ASL: variants seen among roughly 807,000 people sequenced by gnomAD.
ASL encodes the protein argininosuccinate lyase.
In ASL, 51 loss-of-function variants were observed where a neutral mutation model predicts 69.1. The ratio of observed to expected loss-of-function variants is 0.74; its 90% CI spans 0.59 to 0.93. The LOEUF (loss-of-function observed/expected upper bound fraction) is 0.93. Among genes scored for constraint, ASL ranks in the 40% least tolerant of loss-of-function variants. The pLI, the probability that ASL is intolerant of heterozygous loss-of-function variation, is 0.00. For missense variants in ASL, 540 were observed against 623.9 expected, an observed-to-expected ratio of 0.87 and a Z score of 1.43; for synonymous variants, 241 against 247.6, an observed-to-expected ratio of 0.97 and a Z score of 0.25.
intron 2 of ASL, among the ~76,000 whole-genome samples, chr7:66,079,558 C>T (rs780901477): frequency 5.9e-5 from 9 of 152,206 alleles, no homozygotes; most frequent in African/African-American, 1.9e-4. Context: ...AATTCAAGAC[C>T]AGCCTGGGCA....
chr7:66,091,713 TC>T, intron 14 of ASL: 1 of 432,412 alleles, frequency 2.3e-6, no homozygotes, highest in Non-Finnish European at 4.3e-6. Context: ...CAAGACCCTG[TC>T]TCCTAAAACA....
intron 13 of ASL, 129 bp from the exon 14 acceptor site, chr7:66,089,483 C>G: frequency 1.4e-6 from 2 of 1,433,500 alleles, no homozygotes; most frequent in Non-Finnish European, 1.9e-6. Context: ...CTCTGCCCTT[C>G]CTTTGTTGGG....
chr7:66,090,245 ATAAAT>A (rs929717362), intron 14 of ASL, among the ~76,000 whole-genome samples: 7 of 152,210 alleles, frequency 4.6e-5, no homozygotes, highest in Admixed American at 1.3e-4. Context: ...CTACAAATAT[ATAAAT>A]TAAATTAAAT....
chr7:66,092,141 G>A, intron 15 of ASL, 55 bp downstream of exon 15: 1 of 1,590,996 alleles, frequency 6.3e-7, no homozygotes, highest in Non-Finnish European at 8.5e-7. Flanking sequence ...CCCCCCAGAG[G>A]GTGGGGGAGC....
At chr7:66,092,294 TAA>T (rs1183675955) in intron 15 of ASL, among the ~76,000 whole-genome samples, 1 of 151,776 alleles carries the variant, frequency 6.6e-6, no homozygotes, top group African/African-American at 2.4e-5. Context: ...TCTTTTGATG[TAA>T]AAATACAACA....
intron 10 of ASL, among the ~76,000 whole-genome samples, chr7:66,088,481 CAATAAATA>C (rs112746476): frequency 2.0e-5 from 3 of 152,108 alleles, no homozygotes; most frequent in South Asian, 2.1e-4. Context: ...GACTCCATCT[CAATAAATA>C]AATAAATAAA....
rs559683668 is a variant in ASL, at chr7:66,082,842, G to T, written c.292-38G>T. On this transcript the variant is annotated intron_variant, in intron 4 of 16. Coordinates refer to ENST00000304874, the MANE Select transcript of ASL (RefSeq NM_000048.4). The stretch of plus-strand genomic sequence containing the variant: ...CCCTGCCTGGGTTGACTCCTCTGGG[G>T]GTATAGACCGTGACCCTGGGTCTCC... 5.0e-6 allele frequency: 8 copies of T among 1,612,296 alleles called. No homozygotes were observed. The African/African-American group carries it at 9.3e-5, about 19-fold the overall frequency.
In ASL at chr7:66,092,136, C is replaced by T. The variant is rs375899524; in HGVS notation, c.1143+50C>T. 3.8e-6 allele frequency: 6 copies of T among 1,595,810 alleles called. No homozygotes were observed. The South Asian group carries it at 5.5e-5, about 15-fold the overall frequency. On this transcript the variant is annotated intron_variant, in intron 15 of 16. Coordinates refer to ENST00000304874, the MANE Select transcript of ASL (RefSeq NM_000048.4). The stretch of plus-strand genomic sequence containing the variant: ...GGGTGAGGAGATGGGGTGCCCCCCC[C>T]AGAGGGTGGGGGAGCTCAGGAATGG...
intron 11 of ASL, 72 bp from the exon 12 acceptor site, chr7:66,089,019 C>T: frequency 6.2e-7 from 1 of 1,610,678 alleles, no homozygotes; most frequent in Admixed American, 1.7e-5. Flanking sequence ...CACCCCTCCG[C>T]CAGACCTGGC....
In ASL at chr7:66,092,477, A is replaced by G. The variant is rs1489927399; in HGVS notation, c.1144-80A>G. 20 of 1,135,734 alleles carry G rather than the reference A, an allele frequency of 1.8e-5. No individual in the cohort carries two copies. The African/African-American group carries it at 2.2e-4, about 12-fold the overall frequency. 70.4% of individuals were successfully genotyped at this position (1,135,734 alleles called of 1,614,324 possible). On this transcript the variant is annotated intron_variant, in intron 15 of 16. Coordinates refer to ENST00000304874, the MANE Select transcript of ASL (RefSeq NM_000048.4). Reference sequence around the variant, plus strand: ...TGTCAAAAAGAAAAAAAAAAAAAAAAGGAAGGGGGTGCAGGCAATGGAGGC... The same window carrying G: ...TGTCAAAAAGAAAAAAAAAAAAAAAGGGAAGGGGGTGCAGGCAATGGAGGC...
At position 66,089,659 on chromosome 7, in the gene ASL, G is replaced by C. The variant is rs768461888; in HGVS notation, c.1026G>C (p.Val342=). The C allele has an allele frequency of 1.1e-5, 17 of 1,613,912 alleles. No individual in the cohort carries two copies. Among genetic ancestry groups the C allele is most frequent in the Non-Finnish European group, 1.4e-5 (17 of 1,180,028 alleles). ...AAGTGTCAGACACTATGAGTGCCGT[G>C]CTCCAGGTGGCCACTGGCGTCATCT... ...VFEVSDTMSA[V]LQVATGVIST... The change falls in exon 14 of 17, where the codon GTG becomes GTC. Residue 342 remains valine (V), a synonymous_variant. Coordinates refer to ENST00000304874, the MANE Select transcript of ASL (RefSeq NM_000048.4).
chr7:66,092,160 G>T, intron 15 of ASL, 74 bp downstream of exon 15: 1 of 1,548,932 alleles, frequency 6.5e-7, no homozygotes, highest in South Asian at 1.1e-5. Context: ...GCTCAGGAAT[G>T]GGTGCAAGCG....
chr7:66,090,223 G>A (rs1477858155), intron 14 of ASL, among the ~76,000 whole-genome samples: 1 of 152,062 alleles, frequency 6.6e-6, no homozygotes, highest in Non-Finnish European at 1.5e-5. Flanking sequence ...GGACCACAGA[G>A]TAAAACTCCA....
rs778854382 is a variant in ASL, at chr7:66,088,899, G to T, written c.811G>T (p.Val271Leu). The T allele has an allele frequency of 1.7e-5, 27 of 1,613,840 alleles. No individual in the cohort carries two copies. Among genetic ancestry groups the T allele is most frequent in the Non-Finnish European group, 2.0e-5 (24 of 1,180,006 alleles). ...CTACTGCACCAAGGAATTCAGCTTCGTGCAGCTCTCAGATGCCTACAGGTA... is the reference window on the plus strand; with the variant it reads ...CTACTGCACCAAGGAATTCAGCTTCTTGCAGCTCTCAGATGCCTACAGGTA... ...ILYCTKEFSF[V>L]QLSDAYSTGS... Residue 271 changes from valine to leucine, a missense_variant, in exon 11 of 17, where the codon GTG becomes TTG. Coordinates refer to ENST00000304874, the MANE Select transcript of ASL (RefSeq NM_000048.4).
rs748079694 is a variant in ASL, at chr7:66,091,197, GC to G, written c.1063-805del. On this transcript the variant is annotated intron_variant, in intron 14 of 16. Transcript: ENST00000304874. ...GAAGTCCTGAGAAATGTGATGTGAG[GC>G]CCCACTCCAGATGGCTGAATCAGAG... Among the ~76,000 whole-genome samples, 269 of 152,016 alleles carry G rather than the reference GC, an allele frequency of 1.8e-3. 1 individual carries two copies. Among genetic ancestry groups the G allele is most frequent in the Non-Finnish European group, 3.3e-3 (225 of 67,992 alleles).
chr7:66,090,428 C>G (rs1017220778), intron 14 of ASL, among the ~76,000 whole-genome samples: 10 of 151,944 alleles, frequency 6.6e-5, no homozygotes, highest in Admixed American at 6.6e-5. Flanking sequence ...CATGCGCCAC[C>G]ACGCCTGGCT....
rs563864308 is a variant in ASL, at chr7:66,093,535, C to A, written c.*623C>A. The A allele has an allele frequency of 1.6e-3, 244 of 156,730 alleles. No individual in the cohort carries two copies. Among genetic ancestry groups the A allele is most frequent in the Middle Eastern group, 0.01 (3 of 298 alleles). The allele number at this position is 156,730 out of a possible 1,614,324, so 9.7% of individuals were successfully genotyped here. ...TTGGGAGGCCTGGGCAACAGGAAGACTCCAACTACCATATTAAAAAAAACA... is the reference window on the plus strand; with the variant it reads ...TTGGGAGGCCTGGGCAACAGGAAGAATCCAACTACCATATTAAAAAAAACA... On this transcript the variant is annotated 3_prime_UTR_variant, in exon 17 of 17. Coordinates refer to ENST00000304874, the MANE Select transcript of ASL (RefSeq NM_000048.4).
At position 66,092,510 on chromosome 7, in the gene ASL, G is replaced by A. The variant is rs369692115; in HGVS notation, c.1144-47G>A. The A allele has an allele frequency of 1.0e-4, 162 of 1,543,538 alleles. No homozygotes were observed. The African/African-American group carries it at 1.9e-3, about 18-fold the overall frequency. On this transcript the variant is annotated intron_variant, in intron 15 of 16. Transcript: ENST00000304874. ...GGTGCAGGCAATGGAGGCAGATCAG[G>A]GCATGGAGAAACCTGCCTCAGCGCC...
rs1786780960 is a variant in ASL, at chr7:66,089,493, G to A, written c.979-119G>A. The A allele has an allele frequency of 1.7e-5, 24 of 1,430,506 alleles. 1 individual carries two copies. The South Asian group carries it at 2.5e-4, about 15-fold the overall frequency. 88.6% of individuals were successfully genotyped at this position (1,430,506 alleles called of 1,614,324 possible). A position where few individuals can be genotyped will look rare whatever the true frequency, so the allele number is the denominator to read the frequency against. On this transcript the variant is annotated intron_variant, in intron 13 of 16. Transcript: ENST00000304874. The stretch of plus-strand genomic sequence containing the variant: ...GAACTCTCTGCCCTTCCTTTGTTGG[G>A]GTATTGAGTGTTCTTCCCATGGAAG...
Sources: gnomAD v4.1 joint callset for allele counts (sites outside exome capture counted in the v4.1 genomes callset) on GRCh38, gnomAD v4.1.1 for gene constraint, MANE v1.5 for transcripts, NCBI Gene and HGNC (gene_info 2026-07-23, HGNC 2026-07-21) for gene names.